The following NRXN1 variants were observed in gnomAD, a reference collection of about 807,000 sequenced individuals.
NRXN1 encodes the protein neurexin 1, also known as neurexin-1.
Under a neutral mutation model 150.9 loss-of-function variants are expected in NRXN1, and 39 were observed. The observed-to-expected ratio is 0.26, with a 90% CI of 0.20 to 0.34. The LOEUF (loss-of-function observed/expected upper bound fraction) is 0.34, where lower values mean the gene tolerates loss of function less well. NRXN1 is among the 10% of genes least tolerant of loss of function. The probability of loss-of-function intolerance (pLI) is 1.00; values close to 1 mark genes in which losing one functional copy is unlikely to be tolerated. For synonymous variants in NRXN1, 924 were observed against 757.0 expected, an observed-to-expected ratio of 1.22 and a Z score of -3.62; for missense variants, 1,815 against 1,949.9, an observed-to-expected ratio of 0.93 and a Z score of 1.30.
At chr2:50,654,179 C>T (rs536240885) in intron 5 of NRXN1, among the ~76,000 whole-genome samples, 1 of 47,654 alleles carries the variant, frequency 2.1e-5, no homozygotes, top group Non-Finnish European at 4.1e-5. Context: ...ATCCCTCCCC[C>T]CTCCCCCCAC....
At chr2:50,656,672 G>A (rs1284789613) in intron 5 of NRXN1, among the ~76,000 whole-genome samples, 1 of 151,616 alleles carries the variant, frequency 6.6e-6, no homozygotes, top group African/African-American at 2.4e-5. Context: ...TGATGGACTA[G>A]CTACTTCACA....
intron 21 of NRXN1, among the ~76,000 whole-genome samples, chr2:49,993,836 A>G (rs1229816795): frequency 6.6e-6 from 1 of 152,204 alleles, no homozygotes; most frequent in African/African-American, 2.4e-5. Flanking sequence ...AATACCCTCA[A>G]TAGGGTGTCC....
At chr2:50,874,519 A>G (rs1678275996) in intron 5 of NRXN1, among the ~76,000 whole-genome samples, 1 of 151,802 alleles carries the variant, frequency 6.6e-6, no homozygotes, top group Non-Finnish European at 1.5e-5. Context: ...TTTTACTGTT[A>G]GCATCACGTT....
chr2:50,152,235 T>C (rs1336456763), intron 18 of NRXN1, among the ~76,000 whole-genome samples: 2 of 151,848 alleles, frequency 1.3e-5, no homozygotes, highest in South Asian at 2.1e-4. Context: ...ATCATCATTC[T>C]ACCTTCTGTT....
intron 5 of NRXN1, chr2:50,829,747 G>A (rs916164183): frequency 4.1e-5 from 64 of 1,576,970 alleles, no homozygotes; most frequent in Non-Finnish European, 5.1e-5. Context: ...AAGGTTGCAC[G>A]GCATGGCCCG....
intron 17 of NRXN1, among the ~76,000 whole-genome samples, chr2:50,449,885 C>T (rs1167670222): frequency 1.3e-5 from 2 of 152,070 alleles, no homozygotes; most frequent in Admixed American, 1.3e-4. Flanking sequence ...CTCAAATCAA[C>T]CCTGCAAGAT....
In NRXN1 at chr2:50,950,298, A is replaced by T. The variant is rs1225470084; in HGVS notation, c.773-24343T>A. 3.3e-5 allele frequency among the ~76,000 whole-genome samples: 5 copies of T among 152,164 alleles called. No individual in the cohort carries two copies. The East Asian group carries it at 9.6e-4, about 29-fold the overall frequency. On this transcript the variant is annotated intron_variant, in intron 2 of 22. Transcript: ENST00000401669. ...ATGTGTGGACTTTGGAGATTGCAATAAAAAAGAAAAGATAAAAACATACAT... is the reference window on the plus strand; with the variant it reads ...ATGTGTGGACTTTGGAGATTGCAATTAAAAAGAAAAGATAAAAACATACAT...
chr2:50,544,823 G>A (rs2093460638), intron 9 of NRXN1, among the ~76,000 whole-genome samples: 1 of 152,076 alleles, frequency 6.6e-6, no homozygotes, highest in Non-Finnish European at 1.5e-5. Flanking sequence ...GTTTAAAACA[G>A]TGAAGGTTTA....
At chr2:50,685,736 C>G (rs1176651855) in intron 5 of NRXN1, among the ~76,000 whole-genome samples, 1 of 152,060 alleles carries the variant, frequency 6.6e-6, no homozygotes, top group Non-Finnish European at 1.5e-5. Context: ...ATTGAAAATA[C>G]TAACTGAATA....
chr2:50,244,086 T>A (rs1010306786), intron 17 of NRXN1, among the ~76,000 whole-genome samples: 1 of 151,952 alleles, frequency 6.6e-6, no homozygotes, highest in Non-Finnish European at 1.5e-5. Flanking sequence ...CTACATTTTC[T>A]ATATTCTCTA....
chr2:49,977,672 A>C (rs1263667151), intron 21 of NRXN1, among the ~76,000 whole-genome samples: 2 of 152,168 alleles, frequency 1.3e-5, no homozygotes, highest in Non-Finnish European at 2.9e-5. Flanking sequence ...GACAACTCAA[A>C]GGATGGTGAC....
At chr2:50,163,423 T>C (rs1036414394) in intron 18 of NRXN1, among the ~76,000 whole-genome samples, 1 of 151,792 alleles carries the variant, frequency 6.6e-6, no homozygotes, top group African/African-American at 2.4e-5. Flanking sequence ...CTTGTAAGAG[T>C]AGAGGGAAAA....
rs997755084 is a variant in NRXN1, at chr2:50,032,796, A to C, written c.4128+20475T>G. 5.3e-5 allele frequency among the ~76,000 whole-genome samples: 8 copies of C among 151,872 alleles called. No individual in the cohort carries two copies. In the South Asian group the frequency reaches 1.7e-3, roughly 31 times the overall value. The stretch of plus-strand genomic sequence containing the variant: ...CCACTCAGAGAGGGTGGCTGTCTGC[A>C]AGCCGGTAAGAGAGCTGTCATCCAA... On this transcript the variant is annotated intron_variant, in intron 21 of 22. Transcript: ENST00000401669.
intron 2 of NRXN1, among the ~76,000 whole-genome samples, chr2:50,958,494 T>C (rs1029714485): frequency 3.3e-5 from 5 of 152,062 alleles, no homozygotes; most frequent in Non-Finnish European, 7.4e-5. Context: ...CTTGTTTTTT[T>C]TAATTCATTT....
intron 8 of NRXN1, among the ~76,000 whole-genome samples, chr2:50,578,606 T>G (rs1671784631): frequency 6.6e-6 from 1 of 152,166 alleles, no homozygotes; most frequent in African/African-American, 2.4e-5. Flanking sequence ...TGTGAATGTG[T>G]GTAGCTGTGC....
chr2:49,943,633 C>T (rs1672394523), intron 22 of NRXN1, 71 bp downstream of exon 22: 3 of 1,020,560 alleles, frequency 2.9e-6, no homozygotes, highest in Admixed American at 3.8e-5. Flanking sequence ...ATATAAGGCC[C>T]TTCTAAGGAA....
intron 15 of NRXN1, among the ~76,000 whole-genome samples, chr2:50,493,092 G>A (rs2091352250): frequency 6.6e-6 from 1 of 152,174 alleles, no homozygotes; most frequent in East Asian, 1.9e-4. Context: ...ACTCTCAGCA[G>A]GATGGAGAGT....
intron 2 of NRXN1, among the ~76,000 whole-genome samples, chr2:51,018,099 C>T (rs1017540631): frequency 5.3e-5 from 8 of 152,020 alleles, no homozygotes; most frequent in Non-Finnish European, 8.8e-5. Flanking sequence ...CCAGGTGTTG[C>T]GAGGTCCCAA....
chr2:50,403,227 G>A (rs1276124146), intron 17 of NRXN1, among the ~76,000 whole-genome samples: 2 of 151,994 alleles, frequency 1.3e-5, no homozygotes, highest in Admixed American at 1.3e-4. Context: ...CTACTGGTTG[G>A]TAAACAGAGG....
Sources: gnomAD v4.1 joint callset for allele counts (sites outside exome capture counted in the v4.1 genomes callset) on GRCh38, gnomAD v4.1.1 for gene constraint, MANE v1.5 for transcripts, NCBI Gene and HGNC (gene_info 2026-07-23, HGNC 2026-07-21) for gene names.